The following RMND1 variants were observed in gnomAD, a reference collection of about 807,000 sequenced individuals.
RMND1 encodes the protein required for meiotic nuclear division 1 homolog.
RMND1 carries 41 observed loss-of-function variants against 54.0 expected under a neutral mutation model. That is an observed-to-expected ratio of 0.76 (90% CI 0.59 to 0.98). RMND1 has a LOEUF of 0.98. RMND1 is among the 50% of genes least tolerant of loss of function. RMND1 has a pLI of 0.00. For synonymous variants in RMND1, 183 were observed against 181.7 expected, an observed-to-expected ratio of 1.01 and a Z score of -0.06; for missense variants, 457 against 532.0, an observed-to-expected ratio of 0.86 and a Z score of 1.39.
At chr6:151,410,345 G>A (rs551432018) in intron 10 of RMND1, among the ~76,000 whole-genome samples, 240 of 152,140 alleles carry the variant, frequency 1.6e-3, no homozygotes, top group Non-Finnish European at 2.6e-3. Context: ...ATGAGCCACC[G>A]CACCCGGCCT....
intron 2 of RMND1, among the ~76,000 whole-genome samples, chr6:151,437,988 T>TAA (rs1489993501): frequency 2.0e-5 from 3 of 152,230 alleles, no homozygotes; most frequent in Non-Finnish European, 1.5e-5. Flanking sequence ...GATAAATGGA[T>TAA]GTAGTACCCT....
At chr6:151,407,917 A>AC (rs1491160909) in intron 10 of RMND1, among the ~76,000 whole-genome samples, 17 of 151,976 alleles carry the variant, frequency 1.1e-4, no homozygotes, top group Non-Finnish European at 1.6e-4. Flanking sequence ...TCACACACAC[A>AC]AAAAAAAGTC....
chr6:151,414,572 A>C (rs1779945693), intron 10 of RMND1, among the ~76,000 whole-genome samples: 1 of 152,198 alleles, frequency 6.6e-6, no homozygotes, highest in South Asian at 2.1e-4. Context: ...ACAAACGAAA[A>C]AGCAGGAAGT....
chr6:151,415,987 T>A (rs564901906), intron 10 of RMND1, among the ~76,000 whole-genome samples: 6 of 147,030 alleles, frequency 4.1e-5, no homozygotes, highest in Non-Finnish European at 9.0e-5. Flanking sequence ...CTTTTTGTTT[T>A]GTTTTTTTTG....
At chr6:151,434,123 G>A (rs1780531612) in intron 3 of RMND1, among the ~76,000 whole-genome samples, 1 of 152,122 alleles carries the variant, frequency 6.6e-6, no homozygotes, top group Non-Finnish European at 1.5e-5. Flanking sequence ...TGCATTACAA[G>A]CATGAGCCAC....
chr6:151,421,347 CA>C (rs35844699), intron 8 of RMND1, 26 bp from the exon 9 acceptor site: 1 of 1,545,408 alleles, frequency 6.5e-7, no homozygotes, highest in Non-Finnish European at 8.9e-7. Context: ...TCGGAAAAAC[CA>C]AAAAACCATG....
At chr6:151,444,065 A>G (rs1352211843) in intron 2 of RMND1, among the ~76,000 whole-genome samples, 1 of 152,272 alleles carries the variant, frequency 6.6e-6, no homozygotes, top group African/African-American at 2.4e-5. Context: ...AAAAATAGAT[A>G]CGGTATTTAG....
chr6:151,410,886 GTCT>G (rs951563506), intron 10 of RMND1, among the ~76,000 whole-genome samples: 2 of 152,020 alleles, frequency 1.3e-5, no homozygotes, highest in Non-Finnish European at 2.9e-5. Context: ...ATTCTTCCAG[GTCT>G]TCTACATACA....
Position 151,417,311 on chromosome 6 carries a change from A to C in RMND1, c.1168T>G (p.Cys390Gly), listed in dbSNP as rs1780033713. The C allele has an allele frequency of 6.2e-7, 1 of 1,613,106 alleles. No homozygotes were observed. Among genetic ancestry groups the C allele is most frequent in the Non-Finnish European group, 8.5e-7 (1 of 1,179,762 alleles). Reference protein sequence around the residue: ...ENLEGLYDKTCQFLSIGRRVK... With the variant: ...ENLEGLYDKTGQFLSIGRRVK... ...CTTCGGCCAATGCTAAGGAATTGAC[A>C]CGTTTTATCGTAAAGTCCTTCCAGG... Residue 390 changes from cysteine to glycine, a missense_variant, in exon 10 of 12, where the codon TGT (cysteine) becomes GGT (glycine). Physicochemically the swap from Cys to Gly is radical, Grantham distance 159 (BLOSUM62 -3). Coordinates refer to ENST00000444024, the MANE Select transcript of RMND1 (RefSeq NM_017909.4).
At chr6:151,420,011 T>C (rs980685422) in intron 9 of RMND1, among the ~76,000 whole-genome samples, 1 of 152,254 alleles carries the variant, frequency 6.6e-6, no homozygotes, top group Non-Finnish European at 1.5e-5. Flanking sequence ...CCATGTTTAT[T>C]TTCACAGATG....
intron 6 of RMND1, among the ~76,000 whole-genome samples, chr6:151,427,264 TACTC>T (rs1233417637): frequency 4.6e-5 from 7 of 151,958 alleles, no homozygotes; most frequent in South Asian, 2.1e-4. Context: ...TAGTCCCACT[TACTC>T]AGGAGGCTGA....
At chr6:151,451,449 G>A (rs552347239) in intron 1 of RMND1, among the ~76,000 whole-genome samples, 2 of 152,182 alleles carry the variant, frequency 1.3e-5, no homozygotes, top group South Asian at 2.1e-4. Flanking sequence ...CAGACAAAAC[G>A]AGGTAAATCA....
chr6:151,450,589 C>G (rs1781136146), intron 1 of RMND1, among the ~76,000 whole-genome samples: 1 of 147,986 alleles, frequency 6.8e-6, no homozygotes, highest in Non-Finnish European at 1.5e-5. Context: ...GGGGGGTCAG[C>G]CCCCCGCCCG....
chr6:151,439,784 C>T (rs371483928), intron 2 of RMND1, among the ~76,000 whole-genome samples: 258 of 152,290 alleles, frequency 1.7e-3, no homozygotes, highest in Non-Finnish European at 3.0e-3. Flanking sequence ...CGCAGCCTCT[C>T]GAGTTGCTGG....
chr6:151,408,603 T>G (rs2114913974), intron 10 of RMND1: 1 of 152,312 alleles, frequency 6.6e-6, no homozygotes, highest in African/African-American at 2.4e-5. Context: ...CAAAGGAGAA[T>G]TAAGATTGTA....
chr6:151,448,182 A>C (rs1054719569), intron 1 of RMND1, among the ~76,000 whole-genome samples: 57 of 152,124 alleles, frequency 3.7e-4, no homozygotes, highest in African/African-American at 1.3e-3. Flanking sequence ...TTTTTCTATC[A>C]GACAGGGCCC....
chr6:151,439,785 G>A (rs9383894), intron 2 of RMND1, among the ~76,000 whole-genome samples: 6 of 152,244 alleles, frequency 3.9e-5, no homozygotes, highest in African/African-American at 9.6e-5. Flanking sequence ...GCAGCCTCTC[G>A]AGTTGCTGGG....
intron 10 of RMND1, among the ~76,000 whole-genome samples, chr6:151,406,351 CTTT>C (rs34311470): frequency 0.36 from 53,392 of 149,590 alleles, 11,034 homozygotes; most frequent in East Asian, 0.69. Context: ...GATGTGACAA[CTTT>C]TTTTTTTGTT....
intron 10 of RMND1, among the ~76,000 whole-genome samples, chr6:151,411,108 C>T (rs1779818813): frequency 6.6e-6 from 1 of 152,142 alleles, no homozygotes; most frequent in Admixed American, 6.6e-5. Flanking sequence ...CACAGGCATG[C>T]ACCACCAGGC....
Sources: gnomAD v4.1 joint callset for allele counts (sites outside exome capture counted in the v4.1 genomes callset) on GRCh38, gnomAD v4.1.1 for gene constraint, MANE v1.5 for transcripts, NCBI Gene and HGNC (gene_info 2026-07-23, HGNC 2026-07-21) for gene names.